The following RPS6KA2 variants were observed in gnomAD, a reference collection of about 807,000 sequenced individuals.
RPS6KA2 encodes ribosomal protein S6 kinase alpha-2.
RPS6KA2 carries 42 observed loss-of-function variants against 91.8 expected under a neutral mutation model. The ratio of observed to expected loss-of-function variants is 0.46; its 90% CI spans 0.36 to 0.59. RPS6KA2 has a LOEUF of 0.59. Among genes scored for constraint, RPS6KA2 ranks in the 20% least tolerant of loss-of-function variants. The pLI, the probability that RPS6KA2 is intolerant of heterozygous loss-of-function variation, is 0.00. For missense variants in RPS6KA2, 798 were observed against 978.5 expected (o/e 0.82, Z 2.46); for synonymous variants, 414 against 393.6 (o/e 1.05, Z -0.61).
chr6:166,421,532 C>T (rs867670817), intron 17 of RPS6KA2, among the ~76,000 whole-genome samples: 26 of 152,164 alleles, frequency 1.7e-4, no homozygotes, highest in African/African-American at 5.8e-4. Flanking sequence ...CACCTGGGAC[C>T]AGCCTCCATA....
At chr6:166,656,130 C>A (rs984285011) in intron 2 of RPS6KA2, among the ~76,000 whole-genome samples, 2 of 152,192 alleles carry the variant, frequency 1.3e-5, no homozygotes, top group Non-Finnish European at 2.9e-5. Flanking sequence ...GGAAGCTCAC[C>A]GAGAGCTTCT....
chr6:166,438,012 G>A (rs969672259), intron 14 of RPS6KA2, among the ~76,000 whole-genome samples: 2 of 152,216 alleles, frequency 1.3e-5, no homozygotes, highest in African/African-American at 4.8e-5. Context: ...GAGCTCACAG[G>A]CTTGCAGAAC....
chr6:166,848,819 T>C (rs9364879), intron 2 of RPS6KA2, among the ~76,000 whole-genome samples: 84,097 of 151,396 alleles, frequency 0.56, 25,214 homozygotes, highest in Middle Eastern at 0.73. Flanking sequence ...GCTTGGGTGA[T>C]GGGTGCACCA....
chr6:166,842,203 T>C (rs916182791), intron 2 of RPS6KA2, among the ~76,000 whole-genome samples: 4 of 151,796 alleles, frequency 2.6e-5, no homozygotes, highest in Admixed American at 2.0e-4. Context: ...CTGCTAGGGG[T>C]CGAATTATGC....
intron 2 of RPS6KA2, among the ~76,000 whole-genome samples, chr6:166,754,296 G>A (rs1402053815): frequency 1.3e-5 from 2 of 152,222 alleles, no homozygotes; most frequent in African/African-American, 2.4e-5. Flanking sequence ...AGCGAAAAGA[G>A]AGTTTGTTAC....
chr6:166,476,375 A>G (rs1309660492), intron 10 of RPS6KA2, among the ~76,000 whole-genome samples: 2 of 152,174 alleles, frequency 1.3e-5, no homozygotes, highest in East Asian at 1.9e-4. Flanking sequence ...GGCTGCCCCA[A>G]GAAACTCACA....
At chr6:166,574,013 G>A (rs1040473442) in intron 1 of RPS6KA2, among the ~76,000 whole-genome samples, 2 of 152,008 alleles carry the variant, frequency 1.3e-5, no homozygotes, top group African/African-American at 2.4e-5. Context: ...CCATCTCTAC[G>A]CGGTCCACTC....
At chr6:166,675,278 C>T (rs1200223670) in intron 2 of RPS6KA2, among the ~76,000 whole-genome samples, 3 of 152,202 alleles carry the variant, frequency 2.0e-5, no homozygotes, top group African/African-American at 7.2e-5. Flanking sequence ...AGGCCGGCCT[C>T]CCCTTCCCAG....
At position 166,666,988 on chromosome 6, in the gene RPS6KA2, C is replaced by T. The variant is rs1052055996; in HGVS notation, c.124-128204G>A. ...AGGACATTATGTGAAGTGAAATAAG[C>T]TGATCACAAAAAGACAAATACTGTA... On this transcript the variant is annotated intron_variant, in intron 2 of 21. Coordinates refer to the RPS6KA2 transcript ENST00000503859. This position sits in a 1 kb window ranked among gnomAD's most constrained non-coding sequence, Gnocchi z 4.0. 6.6e-6 allele frequency among the ~76,000 whole-genome samples: 1 copy of T among 152,138 alleles called. No homozygotes were observed. Among genetic ancestry groups the T allele is most frequent in the African/African-American group, 2.4e-5 (1 of 41,418 alleles).
chr6:166,801,540 C>T (rs1029683705), intron 2 of RPS6KA2, among the ~76,000 whole-genome samples: 4 of 151,972 alleles, frequency 2.6e-5, no homozygotes, highest in Non-Finnish European at 2.9e-5. Flanking sequence ...GAAGATAAAG[C>T]CTTGCTGTGT....
chr6:166,428,251 A>G lies in RPS6KA2; in HGVS notation c.1581+2202T>C, dbSNP rs1778996674. ...GGTGCTGGGAAAACTGGCTAGCCAT[A>G]TGTAGAAAGCTGAAACTGGATCCCT... On this transcript the variant is annotated intron_variant, in intron 16 of 20. Coordinates refer to ENST00000265678, the MANE Select transcript of RPS6KA2 (RefSeq NM_021135.6). Among the ~76,000 whole-genome samples, 21 of 151,350 alleles carry G rather than the reference A, an allele frequency of 1.4e-4. No individual in the cohort carries two copies. In the South Asian group the frequency reaches 4.0e-3, roughly 29 times the overall value.
chr6:166,762,924 C>T (rs1246285083), intron 2 of RPS6KA2, among the ~76,000 whole-genome samples: 1 of 152,238 alleles, frequency 6.6e-6, no homozygotes, highest in Non-Finnish European at 1.5e-5. Flanking sequence ...TCTGTGATAA[C>T]AGCTGCAAGC....
intron 2 of RPS6KA2, among the ~76,000 whole-genome samples, chr6:166,780,223 C>A (rs1778734881): frequency 6.6e-6 from 1 of 152,230 alleles, no homozygotes; most frequent in South Asian, 2.1e-4. Flanking sequence ...GGGAATGTGT[C>A]CTGATTTGGG....
intron 2 of RPS6KA2, among the ~76,000 whole-genome samples, chr6:166,681,514 C>T (rs1439588454): frequency 3.3e-5 from 5 of 152,016 alleles, no homozygotes; most frequent in Admixed American, 3.3e-4. Flanking sequence ...CACGGCTGAC[C>T]AGTGTGACCA....
intron 1 of RPS6KA2, among the ~76,000 whole-genome samples, chr6:166,596,237 A>C (rs981009028): frequency 1.6e-4 from 25 of 152,166 alleles, no homozygotes; most frequent in African/African-American, 5.3e-4. Context: ...TATGGTCAAT[A>C]ATACTCTGTG....
rs1422944294 is a variant in RPS6KA2, at chr6:166,741,936, G to A, written c.123+116264C>T. ...GAGGTCGGGAGTTCAAGACCACCCC[G>A]GCCAACATAGTGAAACCCCCGTCTC... On this transcript the variant is annotated intron_variant, in intron 2 of 21. Transcript: ENST00000503859. 3.3e-5 allele frequency among the ~76,000 whole-genome samples: 5 copies of A among 152,232 alleles called. No individual in the cohort carries two copies. The East Asian group carries it at 5.8e-4, about 18-fold the overall frequency.
intron 19 of RPS6KA2, among the ~76,000 whole-genome samples, chr6:166,416,919 C>A (rs2128438290): frequency 6.6e-6 from 1 of 152,342 alleles, no homozygotes; most frequent in Non-Finnish European, 1.5e-5. Context: ...CTACAATCAT[C>A]ACCTCCACGC....
At chr6:166,547,244 C>T (rs1182438614) in intron 1 of RPS6KA2, among the ~76,000 whole-genome samples, 1 of 152,156 alleles carries the variant, frequency 6.6e-6, no homozygotes, top group Non-Finnish European at 1.5e-5. Context: ...GGCCAACTCA[C>T]TCTACAATGC....
chr6:166,505,616 A>G (rs1207455476), intron 5 of RPS6KA2, among the ~76,000 whole-genome samples: 28 of 152,246 alleles, frequency 1.8e-4, no homozygotes, highest in Non-Finnish European at 3.2e-4. Flanking sequence ...TTAGAAGGGC[A>G]GCCAGGGGAC....
Sources: gnomAD v4.1 joint callset for allele counts (sites outside exome capture counted in the v4.1 genomes callset) on GRCh38, gnomAD v4.1.1 for gene constraint, Gnocchi (gnomAD v3.1) non-coding constraint, MANE v1.5 for transcripts, NCBI Gene and HGNC (gene_info 2026-07-23, HGNC 2026-07-21) for gene names.